The following PROZ variants were observed in gnomAD, a reference collection of about 807,000 sequenced individuals.
The protein encoded by PROZ is protein Z, vitamin K dependent plasma glycoprotein, also known as vitamin K-dependent protein Z.
PROZ carries 46 observed loss-of-function variants against 34.9 expected under a neutral mutation model. That is an observed-to-expected ratio of 1.32 (90% confidence interval 1.04 to 1.69). The LOEUF is 1.69. PROZ is among the 40% of genes most tolerant of loss of function. PROZ has a pLI of 0.00. For missense variants in PROZ, 530 were observed against 520.4 expected (o/e 1.02, Z -0.18); for synonymous variants, 195 against 208.5 (o/e 0.94, Z 0.56).
intron 6 of PROZ, among the ~76,000 whole-genome samples, chr13:113,168,187 GA>G (rs1304096436): frequency 1.3e-5 from 2 of 152,076 alleles, no homozygotes; most frequent in African/African-American, 4.8e-5. Context: ...AAAGAATAAG[GA>G]AAAAAACCTT....
At position 113,171,918 on chromosome 13, in the gene PROZ, C is replaced by G; in HGVS notation, c.1016C>G (p.Thr339Ser). 1 of 1,613,766 alleles carries G rather than the reference C, an allele frequency of 6.2e-7. No individual in the cohort carries two copies. Among genetic ancestry groups the G allele is most frequent in the Non-Finnish European group, 8.5e-7 (1 of 1,180,044 alleles). ...QVLNVTVTTR[T>S]YCERSSVAAM... Reference sequence around the variant, plus strand: ...CTGAATGTGACTGTCACCACCAGGACCTACTGTGAGAGAAGCAGCGTGGCG... The same window carrying G: ...CTGAATGTGACTGTCACCACCAGGAGCTACTGTGAGAGAAGCAGCGTGGCG... Residue 339 changes from threonine to serine, a missense_variant, in exon 8 of 8, where the codon ACC becomes AGC. Transcript: ENST00000375547. The surrounding 1 kb of genome is among the most constrained non-coding windows in gnomAD (Gnocchi z 5.1).
chr13:113,164,145 A>C (rs1219855097), intron 4 of PROZ, among the ~76,000 whole-genome samples: 1 of 151,688 alleles, frequency 6.6e-6, no homozygotes, highest in Non-Finnish European at 1.5e-5. Flanking sequence ...ACGCCTGGCT[A>C]ATTTTTGTAT....
intron 6 of PROZ, 114 bp downstream of exon 6, chr13:113,165,234 G>A (rs2036891113): frequency 9.1e-7 from 1 of 1,104,844 alleles, no homozygotes; most frequent in Admixed American, 2.0e-5. Flanking sequence ...GACTTTGATG[G>A]GCTACTGACT....
rs1427107165 is a variant in PROZ, at chr13:113,172,149, G to A, written c.*44G>A. The A allele has an allele frequency of 1.9e-6, 3 of 1,603,998 alleles. No individual in the cohort carries two copies. In the East Asian group the frequency reaches 6.7e-5, roughly 36 times the overall value. ...GAATGAACAACACAACCGGAAGCGGGATTCCAAGCTGGCACTGCCACTGTG... is the reference window on the plus strand; with the variant it reads ...GAATGAACAACACAACCGGAAGCGGAATTCCAAGCTGGCACTGCCACTGTG... On this transcript the variant is annotated 3_prime_UTR_variant, in exon 8 of 8. Transcript: ENST00000375547.
chr13:113,161,563 G>A (rs2036759868), intron 3 of PROZ, among the ~76,000 whole-genome samples: 1 of 152,174 alleles, frequency 6.6e-6, no homozygotes, highest in African/African-American at 2.4e-5. Flanking sequence ...GGAAGCGGGA[G>A]AGGCAGGGAA....
intron 6 of PROZ, among the ~76,000 whole-genome samples, chr13:113,167,648 T>A (rs1272553643): frequency 6.6e-6 from 1 of 152,232 alleles, no homozygotes; most frequent in African/African-American, 2.4e-5. Context: ...TTTAGCCTAT[T>A]TGTATTTTTA....
In PROZ at chr13:113,162,989, C is replaced by A. The variant is rs1595108695; in HGVS notation, c.260-20C>A. On this transcript the variant is annotated intron_variant, in intron 3 of 7. Coordinates refer to ENST00000375547, the MANE Select transcript of PROZ (RefSeq NM_003891.3). ...CCCGTTCCTGTCACCACCACCCCAA[C>A]CCCCATCCTCCTCCTGCAGGCGGCT... is the stretch of plus-strand genomic sequence containing the variant. 15 of 1,443,512 alleles carry A rather than the reference C, an allele frequency of 1.0e-5. No homozygotes were observed. The East Asian group carries it at 2.0e-4, about 19-fold the overall frequency. The allele number at this position is 1,443,512 out of a possible 1,614,324, so 89.4% of individuals were successfully genotyped here. A position where few individuals can be genotyped will look rare whatever the true frequency, so the allele number is the denominator to read the frequency against.
chr13:113,160,659 C>T (rs561163145), intron 2 of PROZ, among the ~76,000 whole-genome samples: 3 of 152,242 alleles, frequency 2.0e-5, no homozygotes, highest in African/African-American at 4.8e-5. Flanking sequence ...GGAAGGGCCA[C>T]GTTAGGGGCT....
rs1566927615 is a variant in PROZ at position 113,163,068 on chromosome 13, T to C, written c.319T>C (p.Trp107Arg). ...LHNGSCQDSI[W>R]GYTCTCSPGY... ...CAACGGCTCTTGCCAGGACAGCATC[T>C]GGGGCTACACCTGCACCTGCTCCCC... The change falls in exon 4 of 8, where the codon TGG becomes CGG. Residue 107 changes from tryptophan to arginine, a missense_variant. By Grantham distance (101) the Trp-to-Arg change is moderately radical (BLOSUM62 -3). Coordinates refer to ENST00000375547, the MANE Select transcript of PROZ (RefSeq NM_003891.3). 1.3e-6 allele frequency: 2 copies of C among 1,562,930 alleles called. No homozygotes were observed. The highest frequency in any genetic ancestry group is 2.4e-5 in the East Asian group (1 of 41,886).
At position 113,158,655 on chromosome 13, in the gene PROZ, G is replaced by A. The variant is rs772544738; in HGVS notation, c.-6G>A. The A allele has an allele frequency of 3.8e-5, 61 of 1,601,430 alleles. No homozygotes were observed. The highest frequency in any genetic ancestry group is 4.9e-5 in the Non-Finnish European group (58 of 1,174,870). On this transcript the variant is annotated 5_prime_UTR_variant, in exon 1 of 8. It adds an upstream start codon to the 5' untranslated region. Coordinates refer to ENST00000375547, the MANE Select transcript of PROZ (RefSeq NM_003891.3). This position sits in a 1 kb window ranked among gnomAD's most constrained non-coding sequence, Gnocchi z 4.3. ...TTGTAGCCCTGTCCCAGCGCTCCGG[G>A]TGGGAATGGCAGGCTGCGTCCCACT...
At chr13:113,160,279 T>C in intron 2 of PROZ, 102 bp downstream of exon 2, 1 of 1,381,296 alleles carries the variant, frequency 7.2e-7, no homozygotes, top group Non-Finnish European at 1.0e-6. Flanking sequence ...AATTAGCCTA[T>C]TTACTTACCG....
rs1030710828 is a variant in PROZ at position 113,159,529 on chromosome 13, G to C, written c.71-485G>C. Among the ~76,000 whole-genome samples, 4 of 152,176 alleles carry C rather than the reference G, an allele frequency of 2.6e-5. No homozygotes were observed. Among genetic ancestry groups the C allele is most frequent in the Admixed American group, 2.6e-4 (4 of 15,280 alleles). On this transcript the variant is annotated intron_variant, in intron 1 of 7. Transcript: ENST00000375547. This position sits in a 1 kb window ranked among gnomAD's most constrained non-coding sequence, Gnocchi z 4.6. The stretch of plus-strand genomic sequence containing the variant: ...AAGAGGCTCCAGAGACCACTGCCGC[G>C]GGTCAACTCATTTGCCTTCTCCTCC...
chr13:113,163,950 T>C (rs1345282493), intron 4 of PROZ, among the ~76,000 whole-genome samples: 1 of 146,876 alleles, frequency 6.8e-6, no homozygotes. Context: ...AATAGAAGTG[T>C]CATCACTCAT....
Position 113,172,085 on chromosome 13 carries a change from T to A in PROZ, c.1183T>A (p.Phe395Ile), listed in dbSNP as rs780939630. The change falls in exon 8 of 8, where the codon TTT becomes ATT. Residue 395 changes from phenylalanine (F) to isoleucine (I), a missense_variant. Transcript: ENST00000375547. ...CAAGGTCTCCAGGTACTCACTCTGG[T>A]TTAAACAGATCATGAACTAACTGAA... ...VTKVSRYSLW[F>I]KQIMN 3.7e-6 allele frequency: 6 copies of A among 1,612,696 alleles called. No homozygotes were observed. The African/African-American group carries it at 8.0e-5, about 22-fold the overall frequency.
intron 4 of PROZ, among the ~76,000 whole-genome samples, chr13:113,164,213 C>CAA (rs895091816): frequency 6.6e-6 from 1 of 152,028 alleles, no homozygotes; most frequent in Non-Finnish European, 1.5e-5. Flanking sequence ...CTCCTGACCT[C>CAA]GTGATCCGCC....
At position 113,160,137 on chromosome 13, in the gene PROZ, A is replaced by C. The variant is rs1400633403; in HGVS notation, c.194A>C (p.Tyr65Ser). 6.2e-7 allele frequency: 1 copy of C among 1,614,174 alleles called. No homozygotes were observed. Among genetic ancestry groups the C allele is most frequent in the Non-Finnish European group, 8.5e-7 (1 of 1,180,040 alleles). ...GAATGTTATGAAGAAATCTGTGTCT[A>C]TGAAGAAGCAAGAGAAGTGTTTGAA... The part of the protein sequence containing the change: ...EKECYEEICV[Y>S]EEAREVFENE... The change falls in exon 2 of 8, where the codon TAT becomes TCT. Residue 65 changes from tyrosine (Y) to serine (S), a missense_variant. Transcript: ENST00000375547.
intron 6 of PROZ, chr13:113,166,385 T>C (rs1449035231): frequency 1.3e-5 from 2 of 152,114 alleles, no homozygotes; most frequent in East Asian, 3.9e-4. Context: ...CGTACCCGAG[T>C]GTGGCTGCCG....
At position 113,159,412 on chromosome 13, in the gene PROZ, C is replaced by T; in HGVS notation, c.71-602C>T. The T allele has an allele frequency of 1.2e-6, 1 of 811,444 alleles. No homozygotes were observed. Among genetic ancestry groups the T allele is most frequent in the Non-Finnish European group, 1.9e-6 (1 of 515,312 alleles). The allele number at this position is 811,444 out of a possible 1,614,324, so 50.3% of individuals were successfully genotyped here. A position where few individuals can be genotyped will look rare whatever the true frequency, so the allele number is the denominator to read the frequency against. The stretch of plus-strand genomic sequence containing the variant: ...GCTGAGCCCCCCCTGCTGTAACCCT[C>T]AGCACCGAGAGAAAAGGAGGGAGGA... On this transcript the variant is annotated intron_variant, in intron 1 of 7. Coordinates refer to ENST00000375547, the MANE Select transcript of PROZ (RefSeq NM_003891.3). The surrounding 1 kb of genome is among the most constrained non-coding windows in gnomAD (Gnocchi z 4.6).
In PROZ at chr13:113,159,413, A is replaced by G; in HGVS notation, c.71-601A>G. 1 of 802,308 alleles carries G rather than the reference A, an allele frequency of 1.2e-6. No individual in the cohort carries two copies. The highest frequency in any genetic ancestry group is 1.7e-5 in the South Asian group (1 of 58,888). The allele number at this position is 802,308 out of a possible 1,614,324, so 49.7% of individuals were successfully genotyped here. Reference sequence around the variant, plus strand: ...CTGAGCCCCCCCTGCTGTAACCCTCAGCACCGAGAGAAAAGGAGGGAGGAT... The same window carrying G: ...CTGAGCCCCCCCTGCTGTAACCCTCGGCACCGAGAGAAAAGGAGGGAGGAT... On this transcript the variant is annotated intron_variant, in intron 1 of 7. Transcript: ENST00000375547. The surrounding 1 kb of genome is among the most constrained non-coding windows in gnomAD (Gnocchi z 4.6).
Sources: allele counts gnomAD v4.1 joint callset (sites outside exome capture counted in the v4.1 genomes callset), GRCh38; gene constraint gnomAD v4.1.1; non-coding constraint Gnocchi (gnomAD v3.1); transcripts MANE v1.5; gene names NCBI Gene and HGNC (gene_info 2026-07-23, HGNC 2026-07-21).